Variants in NPC1 observed in about 807,000 individuals in gnomAD.
NPC1 encodes the protein Niemann-Pick C1 protein.
In NPC1, 85 loss-of-function variants were observed where a neutral mutation model predicts 140.4. That is an observed-to-expected ratio of 0.61 (90% CI 0.51 to 0.72). The LOEUF is 0.72. NPC1 is among the 30% of genes least tolerant of loss of function. The pLI is 0.00. For missense variants in NPC1, 1,504 were observed against 1,623.8 expected (o/e 0.93, Z 1.27); for synonymous variants, 656 against 624.8 (o/e 1.05, Z -0.74).
intron 1 of NPC1, among the ~76,000 whole-genome samples, 162 bp from the exon 2 acceptor site, chr18:23,573,736 G>A (rs1161367648): frequency 4.6e-5 from 7 of 152,160 alleles, no homozygotes; most frequent in Non-Finnish European, 1.0e-4. Flanking sequence ...AATTAAAGCA[G>A]ACCAAATGCC....
intron 4 of NPC1, 103 bp downstream of exon 4, chr18:23,568,720 G>A: frequency 1.1e-6 from 1 of 943,452 alleles, no homozygotes; most frequent in Non-Finnish European, 1.7e-6. Context: ...CAATGGAACT[G>A]AAAATTGTGA....
At chr18:23,524,422 CAT>C (rs759077540), downstream of NPC1, 88 of 1,613,914 alleles carry the variant, frequency 5.5e-5, no homozygotes, top group Middle Eastern at 1.6e-4. Context: ...TTTCCTATAA[CAT>C]GTGGATTCTT....
chr18:23,579,352 G>C (rs1055504435), intron 1 of NPC1, among the ~76,000 whole-genome samples: 1 of 152,206 alleles, frequency 6.6e-6, no homozygotes, highest in African/African-American at 2.4e-5. Context: ...CATGGATGCA[G>C]AACTTGTCAA....
chr18:23,566,710 A>G (rs2059130365), intron 4 of NPC1, among the ~76,000 whole-genome samples: 1 of 152,198 alleles, frequency 6.6e-6, no homozygotes, highest in African/African-American at 2.4e-5. Flanking sequence ...TATCCTTCCC[A>G]TGCATGTTTG....
downstream of NPC1, chr18:23,527,662 A>AAGT: frequency 5.6e-6 from 1 of 177,416 alleles, no homozygotes; most frequent in South Asian, 9.2e-5. Context: ...CAGGTCTTTA[A>AAGT]AGTAGAGTGT....
downstream of NPC1, chr18:23,527,664 G>GTATTGTATTTCT (rs71163616): frequency 0.66 from 401,878 of 604,978 alleles, 136,790 homozygotes; most frequent in East Asian, 0.91. Flanking sequence ...GGTCTTTAAA[G>GTATTGTATTTCT]TAGAGTGTCC....
chr18:23,541,467 G>A (rs1446623061), intron 14 of NPC1, 34 bp from the exon 15 acceptor site: 2 of 1,613,824 alleles, frequency 1.2e-6, no homozygotes, highest in Non-Finnish European at 1.7e-6. Flanking sequence ...CGTCACTTCT[G>A]TTTACAGCCG....
Position 23,561,376 on chromosome 18 carries a change from G to A in NPC1, c.615C>T (p.Ile205=), listed in dbSNP as rs767452406. ...NKDNGQAPFT[I]TPVFSDFPVH... ...TATACCTACCTGAAAACACAGGAGTGATGGTAAAAGGTGCCTGTCCATTGT... is the reference window on the plus strand; with the variant it reads ...TATACCTACCTGAAAACACAGGAGTAATGGTAAAAGGTGCCTGTCCATTGT... The change falls in exon 5 of 25, where the codon ATC becomes ATT. Residue 205 remains isoleucine (I), a synonymous_variant. Transcript: ENST00000269228. The A allele has an allele frequency of 2.5e-6, 4 of 1,614,178 alleles. No homozygotes were observed. In the South Asian group the frequency reaches 4.4e-5, roughly 18 times the overall value.
downstream of NPC1, chr18:23,524,611 A>ATT: frequency 2.8e-5 from 20 of 718,978 alleles, no homozygotes; most frequent in South Asian, 5.9e-5. Context: ...TGGGAATGGG[A>ATT]TTTTTTTTTT....
downstream of NPC1, chr18:23,529,925 A>T (rs898724627): frequency 7.6e-6 from 9 of 1,181,156 alleles, no homozygotes; most frequent in East Asian, 1.9e-4. Flanking sequence ...GTAATGACAG[A>T]CTTTTACTGT....
At position 23,568,758 on chromosome 18, in the gene NPC1, A is replaced by G. The variant is rs1288397001; in HGVS notation, c.463+65T>C. 5 of 1,316,588 alleles carry G rather than the reference A, an allele frequency of 3.8e-6. No individual in the cohort carries two copies. The East Asian group carries it at 1.1e-4, about 30-fold the overall frequency. The allele number at this position is 1,316,588 out of a possible 1,614,324, so 81.6% of individuals were successfully genotyped here. On this transcript the variant is annotated intron_variant, in intron 4 of 24. Transcript: ENST00000269228. Reference sequence around the variant, plus strand: ...TTCCAGAGTTGACAGGACAACTAAAAGGAACAATTTGCTCTGCTGTCCTGA... The same window carrying G: ...TTCCAGAGTTGACAGGACAACTAAAGGGAACAATTTGCTCTGCTGTCCTGA...
chr18:23,529,560 G>C (rs1598916244), downstream of NPC1: 2 of 1,373,902 alleles, frequency 1.5e-6, no homozygotes, highest in Admixed American at 1.7e-5. Flanking sequence ...ACAAGGTGGG[G>C]GTTGGATAGA....
At chr18:23,510,869 T>G (rs2057837092) in intron 3 of NPC1, among the ~76,000 whole-genome samples, 1 of 152,222 alleles carries the variant, frequency 6.6e-6, no homozygotes, top group Non-Finnish European at 1.5e-5. Context: ...CCTTATGCAC[T>G]ATTGCTGGGA....
Position 23,556,484 on chromosome 18 carries a change from G to GT in NPC1, c.1084dup (p.Thr362AsnfsTer18), listed in dbSNP as rs773853242. ...AAACACCAGGCCTGACGAACACGCA[G>GT]TAATGAAGACCAGCGAGAAGAAAAT... On this transcript the variant is annotated frameshift_variant, in exon 8 of 25. Coordinates refer to ENST00000269228, the MANE Select transcript of NPC1 (RefSeq NM_000271.5). LOFTEE classifies it high-confidence loss of function. 1 of 1,614,198 alleles carries GT rather than the reference G, an allele frequency of 6.2e-7. No individual in the cohort carries two copies. Among genetic ancestry groups the GT allele is most frequent in the Non-Finnish European group, 8.5e-7 (1 of 1,180,044 alleles).
At chr18:23,544,670 A>G in intron 12 of NPC1, 144 bp from the exon 13 acceptor site, 1 of 834,116 alleles carries the variant, frequency 1.2e-6, no homozygotes, top group Non-Finnish European at 2.0e-6. Context: ...GAGGACTTGT[A>G]AACATTTCTA....
At chr18:23,529,095 G>T, downstream of NPC1, 3 of 1,527,978 alleles carry the variant, frequency 2.0e-6, no homozygotes, top group African/African-American at 1.4e-5. Context: ...CCACATCGAA[G>T]AATTCAGTCC....
chr18:23,525,385 C>G (rs1268641582), downstream of NPC1, among the ~76,000 whole-genome samples: 1 of 151,572 alleles, frequency 6.6e-6, no homozygotes, highest in Non-Finnish European at 1.5e-5. Context: ...GTAGCTGGGC[C>G]TACAGGCGCA....
intron 4 of NPC1, 86 bp downstream of exon 4, chr18:23,568,737 A>G: frequency 9.2e-7 from 1 of 1,081,838 alleles, no homozygotes. Flanking sequence ...GTGATTTTCC[A>G]GAGTTGACAG....
At position 23,577,686 on chromosome 18, in the gene NPC1, G is replaced by A. The variant is rs557952270; in HGVS notation, c.58-4112C>T. 2.4e-4 allele frequency among the ~76,000 whole-genome samples: 36 copies of A among 152,308 alleles called. 1 individual carries two copies. In the South Asian group the frequency reaches 6.4e-3, roughly 27 times the overall value. On this transcript the variant is annotated intron_variant, in intron 1 of 24. Coordinates refer to ENST00000269228, the MANE Select transcript of NPC1 (RefSeq NM_000271.5). ...TGGGCGCCGTGGAGCAGGGGGTGGC[G>A]CTCGTCGGGGAGGCTCAGGCTGCAC... is the stretch of plus-strand genomic sequence containing the variant.
Sources: gnomAD v4.1 joint callset for allele counts (sites outside exome capture counted in the v4.1 genomes callset) on GRCh38, gnomAD v4.1.1 for gene constraint, MANE v1.5 for transcripts, NCBI Gene and HGNC (gene_info 2026-07-23, HGNC 2026-07-21) for gene names.